Variants in HOMER2 observed in about 807,000 individuals in gnomAD.
HOMER2 encodes homer scaffold protein 2, also known as homer protein homolog 2.
HOMER2 carries 27 observed loss-of-function variants against 47.0 expected under a neutral mutation model. The observed-to-expected ratio is 0.57, with a 90% CI of 0.42 to 0.79. The LOEUF is 0.79. Among genes scored for constraint, HOMER2 ranks in the 30% least tolerant of loss-of-function variants. The probability of loss-of-function intolerance (pLI) is 0.00; values close to 1 mark genes in which losing one functional copy is unlikely to be tolerated. For synonymous variants in HOMER2, 161 were observed against 163.8 expected (o/e 0.98, Z 0.13); for missense variants, 443 against 435.0 (o/e 1.02, Z -0.16).
At chr15:82,860,956 T>TGAGAGAGA (rs56063630) in intron 4 of HOMER2, among the ~76,000 whole-genome samples, 6 of 42,376 alleles carry the variant, frequency 1.4e-4, no homozygotes, top group Non-Finnish European at 2.4e-4. Flanking sequence ...AGATAGAAGA[T>TGAGAGAGA]GAGAGAGAGA....
chr15:82,980,284 C>T (rs1276988192), intron 1 of HOMER2, among the ~76,000 whole-genome samples: 1 of 152,102 alleles, frequency 6.6e-6, no homozygotes, highest in Non-Finnish European at 1.5e-5. Flanking sequence ...GGTCCATACA[C>T]CCCACAAGAC....
chr15:82,840,339 C>T (rs2051163913), exon 2 of HOMER2: 1 of 152,004 alleles, frequency 6.6e-6, no homozygotes, highest in Non-Finnish European at 1.5e-5. Context: ...CAGAGTAATT[C>T]TGGAAAAACC....
intron 1 of HOMER2, among the ~76,000 whole-genome samples, chr15:82,960,676 C>T (rs1024456747): frequency 1.4e-4 from 21 of 152,244 alleles, no homozygotes; most frequent in Non-Finnish European, 2.1e-4. Context: ...ATTTACTGAA[C>T]ACCTACTATG....
intron 1 of HOMER2, among the ~76,000 whole-genome samples, chr15:82,940,100 G>A (rs2054230736): frequency 6.6e-6 from 1 of 152,112 alleles, no homozygotes; most frequent in Admixed American, 6.5e-5. Flanking sequence ...AATAGCATTA[G>A]GAGATATACC....
chr15:82,870,044 G>A (rs564897231), intron 3 of HOMER2, among the ~76,000 whole-genome samples: 1 of 152,156 alleles, frequency 6.6e-6, no homozygotes, highest in South Asian at 2.1e-4. Context: ...TTAAAATTGT[G>A]GTAATAATTT....
chr15:82,860,949 TAGAAGATGA>T (rs1293943910), intron 4 of HOMER2, among the ~76,000 whole-genome samples: 2 of 71,100 alleles, frequency 2.8e-5, no homozygotes, highest in African/African-American at 6.4e-5. Context: ...AGATAGAAGA[TAGAAGATGA>T]GAGAGAGAGA....
intron 1 of HOMER2, among the ~76,000 whole-genome samples, chr15:82,974,037 G>A (rs2030106470): frequency 6.6e-6 from 1 of 152,054 alleles, no homozygotes; most frequent in African/African-American, 2.4e-5. Flanking sequence ...TGCAGAGGTT[G>A]CAGTGCACAG....
chr15:82,841,617 G>A (rs1222480798), exon 2 of HOMER2: 1 of 152,140 alleles, frequency 6.6e-6, no homozygotes, highest in Non-Finnish European at 1.5e-5. Flanking sequence ...ACCAGTCAAT[G>A]TGATGAGTTG....
At chr15:82,858,226 T>C (rs2051650387) in intron 5 of HOMER2, among the ~76,000 whole-genome samples, 2 of 152,216 alleles carry the variant, frequency 1.3e-5, no homozygotes, top group Admixed American at 1.3e-4. Flanking sequence ...GACTGAGTTT[T>C]GTGTGATTTC....
At chr15:82,949,910 C>A (rs1417405564) in intron 1 of HOMER2, among the ~76,000 whole-genome samples, 1 of 152,092 alleles carries the variant, frequency 6.6e-6, no homozygotes, top group African/African-American at 2.4e-5. Flanking sequence ...GATGTATGCT[C>A]CTATACTGAT....
upstream of HOMER2, among the ~76,000 whole-genome samples, chr15:82,955,017 C>T (rs568481866): frequency 2.6e-5 from 4 of 152,164 alleles, no homozygotes; most frequent in South Asian, 6.2e-4. Flanking sequence ...ACCTCGTGAT[C>T]GGCCCACCTC....
At chr15:82,874,908 C>A (rs562340556) in intron 3 of HOMER2, among the ~76,000 whole-genome samples, 7 of 152,314 alleles carry the variant, frequency 4.6e-5, no homozygotes, top group Non-Finnish European at 8.8e-5. Flanking sequence ...TCACCTAATC[C>A]TCAGAGTCCT....
In HOMER2 at chr15:82,850,537, T is replaced by TA. The variant is rs2051359751; in HGVS notation, c.843+613dup. On this transcript the variant is annotated intron_variant, in intron 8 of 8. Transcript: ENST00000450735. The stretch of plus-strand genomic sequence containing the variant: ...CAAAGACAGGACAGCTGTGAGTCCT[T>TA]AAATGAGCCATAAGCCTTTAACTCT... Among the ~76,000 whole-genome samples the TA allele has an allele frequency of 3.9e-5, 6 of 152,304 alleles. No homozygotes were observed. In the South Asian group the frequency reaches 1.0e-3, roughly 26 times the overall value.
At chr15:82,938,744 G>A in intron 1 of HOMER2, among the ~76,000 whole-genome samples, 1 of 152,150 alleles carries the variant, frequency 6.6e-6, no homozygotes, top group Non-Finnish European at 1.5e-5. Flanking sequence ...ACATTTGGCT[G>A]AGGCTGCTCT....
intron 1 of HOMER2, among the ~76,000 whole-genome samples, chr15:82,944,973 C>A (rs2054343767): frequency 6.6e-6 from 1 of 152,004 alleles, no homozygotes; most frequent in Non-Finnish European, 1.5e-5. Flanking sequence ...AATTACTCGG[C>A]CCTGATATTT....
At chr15:82,911,852 A>G (rs1429142963) in intron 1 of HOMER2, among the ~76,000 whole-genome samples, 1 of 152,072 alleles carries the variant, frequency 6.6e-6, no homozygotes, top group Non-Finnish European at 1.5e-5. Context: ...CAACATGGTA[A>G]AACCCCCATC....
upstream of HOMER2, among the ~76,000 whole-genome samples, chr15:82,957,311 A>C (rs367968794): frequency 7.2e-5 from 11 of 151,960 alleles, no homozygotes; most frequent in East Asian, 1.5e-3. Context: ...GAATGAGATC[A>C]TATCTGTAAA....
At chr15:82,879,997 G>T (rs1338503100) in intron 2 of HOMER2, among the ~76,000 whole-genome samples, 1 of 151,920 alleles carries the variant, frequency 6.6e-6, no homozygotes, top group East Asian at 1.9e-4. Context: ...AAAAAAGAAG[G>T]AAGTTACAAA....
chr15:82,904,824 T>G (rs1004910697), intron 1 of HOMER2, among the ~76,000 whole-genome samples: 5 of 152,184 alleles, frequency 3.3e-5, no homozygotes, highest in African/African-American at 1.2e-4. Flanking sequence ...GGCCTATTTA[T>G]GCAGTTCCCT....
Sources: gnomAD v4.1 joint callset for allele counts (sites outside exome capture counted in the v4.1 genomes callset) on GRCh38, gnomAD v4.1.1 for gene constraint, MANE v1.5 for transcripts, NCBI Gene and HGNC (gene_info 2026-07-23, HGNC 2026-07-21) for gene names.